Variants in PDGFRL observed in about 807,000 individuals in gnomAD.
The protein encoded by PDGFRL is platelet-derived growth factor receptor-like protein.
A neutral mutation model predicts 37.2 loss-of-function variants in PDGFRL; 46 were observed. That is an observed-to-expected ratio of 1.24 (90% CI 0.98 to 1.58). PDGFRL has a LOEUF of 1.58. Among genes scored for constraint, PDGFRL ranks in the 40% most tolerant of loss-of-function variants. PDGFRL has a pLI of 0.00. For synonymous variants in PDGFRL, 251 were observed against 184.3 expected, an observed-to-expected ratio of 1.36 and a Z score of -2.93; for missense variants, 692 against 467.6, an observed-to-expected ratio of 1.48 and a Z score of -4.43.
chr8:17,580,291 C>T (rs1803678907), intron 1 of PDGFRL, among the ~76,000 whole-genome samples: 2 of 151,934 alleles, frequency 1.3e-5, no homozygotes, highest in South Asian at 2.1e-4. Context: ...TAACCAAGAG[C>T]CTTTGACACT....
chr8:17,632,099 G>A (rs999181738), intron 4 of PDGFRL, among the ~76,000 whole-genome samples: 2 of 152,168 alleles, frequency 1.3e-5, no homozygotes, highest in African/African-American at 2.4e-5. Context: ...CTCTGCCTTG[G>A]TGATGGCACT....
intron 2 of PDGFRL, among the ~76,000 whole-genome samples, chr8:17,609,854 G>T (rs1161670458): frequency 6.6e-6 from 1 of 152,032 alleles, no homozygotes; most frequent in Non-Finnish European, 1.5e-5. Context: ...ATATTCCCAA[G>T]ATCTCTGTAG....
intron 2 of PDGFRL, among the ~76,000 whole-genome samples, chr8:17,618,293 C>G (rs183676625): frequency 2.0e-5 from 3 of 152,106 alleles, no homozygotes; most frequent in Non-Finnish European, 2.9e-5. Context: ...TGAGCTCAAG[C>G]GATCCTCCTG....
At chr8:17,601,285 C>G (rs6997396) in intron 2 of PDGFRL, among the ~76,000 whole-genome samples, 3 of 152,016 alleles carry the variant, frequency 2.0e-5, no homozygotes, top group Admixed American at 2.0e-4. Flanking sequence ...CCAGCATGCC[C>G]CAGGTCCTCC....
At chr8:17,632,626 T>C (rs931066151) in intron 4 of PDGFRL, among the ~76,000 whole-genome samples, 1 of 152,318 alleles carries the variant, frequency 6.6e-6, no homozygotes, top group South Asian at 2.1e-4. Context: ...AGTGAGCCAC[T>C]GTGCCCGTTC....
intron 2 of PDGFRL, among the ~76,000 whole-genome samples, chr8:17,592,308 C>T (rs1373766806): frequency 6.6e-6 from 1 of 152,224 alleles, no homozygotes; most frequent in Non-Finnish European, 1.5e-5. Flanking sequence ...GGAATCTGTC[C>T]ATTTGCATTC....
At chr8:17,599,630 G>C (rs748228265) in intron 2 of PDGFRL, among the ~76,000 whole-genome samples, 1 of 152,214 alleles carries the variant, frequency 6.6e-6, no homozygotes, top group African/African-American at 2.4e-5. Context: ...GTGGCTGCCA[G>C]TAGATGTGGC....
chr8:17,585,721 C>T (rs1190234311), intron 1 of PDGFRL, among the ~76,000 whole-genome samples: 1 of 152,108 alleles, frequency 6.6e-6, no homozygotes, highest in African/African-American at 2.4e-5. Flanking sequence ...ATATTAATGA[C>T]TGTGCTTAAC....
At chr8:17,591,396 G>T (rs1001520366) in intron 2 of PDGFRL, among the ~76,000 whole-genome samples, 4 of 152,164 alleles carry the variant, frequency 2.6e-5, no homozygotes, top group African/African-American at 9.7e-5. Context: ...CTGAGCATGG[G>T]CTCTGCGTCA....
intron 3 of PDGFRL, among the ~76,000 whole-genome samples, chr8:17,626,125 G>T (rs1804729002): frequency 1.3e-5 from 2 of 152,192 alleles, no homozygotes; most frequent in South Asian, 4.1e-4. Flanking sequence ...TCTAAATCTT[G>T]CAATCATAAA....
At chr8:17,576,894 C>G (rs1209953831), upstream of PDGFRL, 1 of 283,412 alleles carries the variant, frequency 3.5e-6, no homozygotes, top group African/African-American at 2.2e-5. Flanking sequence ...TTAAAAGTGA[C>G]CCCATCAGCA....
At chr8:17,583,804 GCTT>G (rs1563503302) in intron 1 of PDGFRL, among the ~76,000 whole-genome samples, 1 of 150,672 alleles carries the variant, frequency 6.6e-6, no homozygotes, top group Non-Finnish European at 1.5e-5. Context: ...TCTCTCTCTT[GCTT>G]CTTCTCTCTC....
chr8:17,642,519 C>G (rs1805154879), intron 5 of PDGFRL, 94 bp from the exon 6 acceptor site: 3 of 750,844 alleles, frequency 4.0e-6, no homozygotes, highest in South Asian at 3.1e-5. Context: ...GTGCTTTGCT[C>G]TCTGAAAGGA....
intron 2 of PDGFRL, among the ~76,000 whole-genome samples, chr8:17,591,373 T>A (rs1164208493): frequency 1.3e-5 from 2 of 151,804 alleles, no homozygotes; most frequent in East Asian, 3.9e-4. Flanking sequence ...CTTCCTGGGG[T>A]GCTGGGAGGA....
At chr8:17,623,797 C>A (rs1804680738) in intron 3 of PDGFRL, among the ~76,000 whole-genome samples, 1 of 149,622 alleles carries the variant, frequency 6.7e-6, no homozygotes, top group Non-Finnish European at 1.5e-5. Flanking sequence ...TCGCCTGAAT[C>A]TCGGAGTTGG....
In PDGFRL at chr8:17,589,685, T is replaced by G. The variant is rs144184958; in HGVS notation, c.273T>G (p.Thr91=). 6,126 of 1,613,568 alleles carry G rather than the reference T, an allele frequency of 3.8e-3. 26 individuals carry two copies. The highest frequency in any genetic ancestry group is 4.5e-3 in the Non-Finnish European group (5,294 of 1,179,560). ...CCCTGAGTCTGCTGGCGGGGCAAACTGTAGAGCTTCGATGTAAAGGGAGTA... is the reference window on the plus strand; with the variant it reads ...CCCTGAGTCTGCTGGCGGGGCAAACGGTAGAGCTTCGATGTAAAGGGAGTA... ...AATLSLLAGQ[T]VELRCKGSRI... Residue 91 remains threonine (T), a synonymous_variant, in exon 2 of 6, where the codon ACT becomes ACG. Coordinates refer to ENST00000251630, the MANE Select transcript of PDGFRL (RefSeq NM_001372073.1).
At chr8:17,607,668 G>A (rs1804312140) in intron 2 of PDGFRL, among the ~76,000 whole-genome samples, 1 of 152,164 alleles carries the variant, frequency 6.6e-6, no homozygotes, top group Non-Finnish European at 1.5e-5. Context: ...GTGAAATGTT[G>A]CTTTAACAAG....
chr8:17,618,682 G>C (rs998001396), intron 2 of PDGFRL, among the ~76,000 whole-genome samples: 3 of 152,128 alleles, frequency 2.0e-5, no homozygotes, highest in Non-Finnish European at 2.9e-5. Flanking sequence ...TGCCTCTCCA[G>C]ATTCTTTCCT....
chr8:17,622,167 G>T (rs1335144559), intron 3 of PDGFRL, among the ~76,000 whole-genome samples: 1 of 152,200 alleles, frequency 6.6e-6, no homozygotes, highest in African/African-American at 2.4e-5. Flanking sequence ...AGAAACACGT[G>T]TGCAGAATAA....
Sources: gnomAD v4.1 joint callset for allele counts (sites outside exome capture counted in the v4.1 genomes callset) on GRCh38, gnomAD v4.1.1 for gene constraint, MANE v1.5 for transcripts, NCBI Gene and HGNC (gene_info 2026-07-23, HGNC 2026-07-21) for gene names.